Variants in KCNH7 observed in about 807,000 individuals in gnomAD.
KCNH7 encodes the protein voltage-gated inwardly rectifying potassium channel KCNH7.
In KCNH7, 49 loss-of-function variants were observed where a neutral mutation model predicts 120.8. The ratio of observed to expected loss-of-function variants is 0.41; its 90% CI spans 0.32 to 0.51. The LOEUF (loss-of-function observed/expected upper bound fraction) is 0.51. KCNH7 is among the 20% of genes least tolerant of loss of function. KCNH7 has a pLI of 0.38. For synonymous variants in KCNH7, 547 were observed against 516.1 expected (o/e 1.06, Z -0.81); for missense variants, 1,097 against 1,446.6 (o/e 0.76, Z 3.92).
chr2:162,508,740 CTA>C (rs948143666), intron 5 of KCNH7, among the ~76,000 whole-genome samples: 1 of 151,392 alleles, frequency 6.6e-6, no homozygotes, highest in Admixed American at 6.6e-5. Context: ...CCTCCTAAGT[CTA>C]TATTCAGAGA....
chr2:162,391,964 A>G (rs1009507128), intron 12 of KCNH7, among the ~76,000 whole-genome samples: 1 of 152,068 alleles, frequency 6.6e-6, no homozygotes, highest in South Asian at 2.1e-4. Context: ...AAAATTATCA[A>G]CTATCTATGA....
At chr2:162,800,580 A>G (rs1004688138) in intron 2 of KCNH7, among the ~76,000 whole-genome samples, 2 of 151,908 alleles carry the variant, frequency 1.3e-5, no homozygotes, top group African/African-American at 4.8e-5. Flanking sequence ...CTCATGGTAA[A>G]GAATATTGTT....
intron 2 of KCNH7, among the ~76,000 whole-genome samples, chr2:162,819,876 AT>A (rs1403307323): frequency 7.9e-5 from 12 of 152,116 alleles, no homozygotes; most frequent in Non-Finnish European, 1.6e-4. Flanking sequence ...GATTTTGTTT[AT>A]TTTGTTTTGG....
rs571272949 is a variant in KCNH7, at chr2:162,427,664, A to G, written c.1955-4129T>C. ...TACCATTTGTCCATTCCTTTTCTTAATGGTGTGTTTTGAAGAGCAGAAGTT... is the reference window on the plus strand; with the variant it reads ...TACCATTTGTCCATTCCTTTTCTTAGTGGTGTGTTTTGAAGAGCAGAAGTT... On this transcript the variant is annotated intron_variant, in intron 8 of 15. Coordinates refer to ENST00000332142, the MANE Select transcript of KCNH7 (RefSeq NM_033272.4). Among the ~76,000 whole-genome samples the G allele has an allele frequency of 7.2e-5, 11 of 151,738 alleles. No individual in the cohort carries two copies. In the South Asian group the frequency reaches 1.9e-3, roughly 26 times the overall value.
At chr2:162,561,721 C>T (rs996460485) in intron 2 of KCNH7, among the ~76,000 whole-genome samples, 1 of 152,078 alleles carries the variant, frequency 6.6e-6, no homozygotes, top group Non-Finnish European at 1.5e-5. Context: ...TATCCTTTGC[C>T]CACTTTCCGA....
chr2:162,794,254 G>A (rs1014663756), intron 2 of KCNH7, among the ~76,000 whole-genome samples: 4 of 151,578 alleles, frequency 2.6e-5, no homozygotes, highest in Non-Finnish European at 5.9e-5. Flanking sequence ...AGAGAAGGAA[G>A]GAAGGAAGGA....
rs185610937 is a variant in KCNH7, at chr2:162,589,573, A to G, written c.308-52493T>C. On this transcript the variant is annotated intron_variant, in intron 2 of 15. Coordinates refer to ENST00000332142, the MANE Select transcript of KCNH7 (RefSeq NM_033272.4). Reference sequence around the variant, plus strand: ...AGAGCACAAACTCTCACATGGATAAATATCTCAAGCATAATCATAGGATGC... The same window carrying G: ...AGAGCACAAACTCTCACATGGATAAGTATCTCAAGCATAATCATAGGATGC... Among the ~76,000 whole-genome samples the G allele has an allele frequency of 2.0e-3, 304 of 152,188 alleles. 2 individuals carry two copies. The highest frequency in any genetic ancestry group is 6.9e-3 in the African/African-American group (288 of 41,546).
chr2:162,750,625 T>C (rs1688505345), intron 2 of KCNH7, among the ~76,000 whole-genome samples: 1 of 152,130 alleles, frequency 6.6e-6, no homozygotes, highest in African/African-American at 2.4e-5. Context: ...TTTACAGAGG[T>C]ATAAGAATTA....
intron 9 of KCNH7, among the ~76,000 whole-genome samples, chr2:162,414,253 C>T (rs1687476681): frequency 2.6e-5 from 4 of 151,648 alleles, no homozygotes; most frequent in Admixed American, 2.6e-4. Context: ...CTCAAAAATC[C>T]CTTATCTGAG....
intron 2 of KCNH7, among the ~76,000 whole-genome samples, chr2:162,677,582 C>G (rs1685569854): frequency 6.6e-6 from 1 of 151,396 alleles, no homozygotes; most frequent in African/African-American, 2.4e-5. Context: ...CTATTGTACT[C>G]TAGATGAGCA....
chr2:162,523,811 C>G (rs1377694132), intron 3 of KCNH7, among the ~76,000 whole-genome samples: 1 of 151,930 alleles, frequency 6.6e-6, no homozygotes, highest in Non-Finnish European at 1.5e-5. Flanking sequence ...TTCATCATTT[C>G]TATAAATTCT....
chr2:162,590,785 C>T (rs1413309153), intron 2 of KCNH7, among the ~76,000 whole-genome samples: 1 of 152,088 alleles, frequency 6.6e-6, no homozygotes, highest in Non-Finnish European at 1.5e-5. Context: ...TAATAGTCTC[C>T]ACTTCTCCTC....
intron 7 of KCNH7, among the ~76,000 whole-genome samples, chr2:162,441,049 G>A (rs1165691136): frequency 6.6e-6 from 1 of 151,960 alleles, no homozygotes; most frequent in Non-Finnish European, 1.5e-5. Context: ...TTTTTCCACT[G>A]GGGATCTCAT....
At chr2:162,423,808 G>A (rs1174012192) in intron 8 of KCNH7, among the ~76,000 whole-genome samples, 2 of 152,088 alleles carry the variant, frequency 1.3e-5, no homozygotes, top group African/African-American at 2.4e-5. Context: ...TGGGAGCACT[G>A]ACTAGGGAGA....
intron 2 of KCNH7, among the ~76,000 whole-genome samples, chr2:162,555,240 C>T (rs919923504): frequency 2.0e-5 from 3 of 152,258 alleles, no homozygotes; most frequent in South Asian, 2.1e-4. Context: ...AGGAAACTCT[C>T]GGAAGTAAAT....
chr2:162,593,768 T>C (rs1158942760), intron 2 of KCNH7, among the ~76,000 whole-genome samples: 2 of 152,092 alleles, frequency 1.3e-5, no homozygotes, highest in Non-Finnish European at 2.9e-5. Context: ...ATGATTTCCT[T>C]ACCATTTTGG....
intron 2 of KCNH7, among the ~76,000 whole-genome samples, chr2:162,693,334 G>T (rs1044644935): frequency 3.3e-5 from 5 of 152,162 alleles, no homozygotes; most frequent in Non-Finnish European, 5.9e-5. Flanking sequence ...AAGATAAGAG[G>T]TTATAATGGA....
Position 162,384,784 on chromosome 2 carries a change from A to G in KCNH7, c.2866T>C (p.Ser956Pro). The change falls in exon 13 of 16, where the codon TCT becomes CCT. Residue 956 changes from serine (S) to proline (P), a missense_variant. Ser to Pro is a moderately conservative substitution (Grantham distance 74). Around this residue, in one of 8 missense-constraint regions of KCNH7, gnomAD observed 406 missense variants for 410.5 expected, o/e 0.99. Transcript: ENST00000332142. The part of the protein sequence containing the change: ...KPLFSGIVDS[S>P]PGIGKASGLD... ...CCAGATGCTTTCCCTATTCCTGGAGAAGAGTCTACTATTCCTGAGAAGAGC... is the reference window on the plus strand; with the variant it reads ...CCAGATGCTTTCCCTATTCCTGGAGGAGAGTCTACTATTCCTGAGAAGAGC... 6.2e-7 allele frequency: 1 copy of G among 1,612,802 alleles called. No homozygotes were observed. Among genetic ancestry groups the G allele is most frequent in the Non-Finnish European group, 8.5e-7 (1 of 1,179,132 alleles).
intron 3 of KCNH7, among the ~76,000 whole-genome samples, chr2:162,523,757 C>G (rs1282373068): frequency 2.0e-5 from 3 of 151,928 alleles, no homozygotes; most frequent in African/African-American, 7.2e-5. Flanking sequence ...TGATTTTTCT[C>G]ACAATACAAC....
Sources: allele counts gnomAD v4.1 joint callset (sites outside exome capture counted in the v4.1 genomes callset), GRCh38; gene constraint gnomAD v4.1.1; regional missense constraint gnomAD v4.1.1; transcripts MANE v1.5; gene names NCBI Gene and HGNC (gene_info 2026-07-23, HGNC 2026-07-21).